Variants in TMEM123 observed in about 807,000 individuals in gnomAD.
The protein encoded by TMEM123 is porimin.
A neutral mutation model predicts 19.7 loss-of-function variants in TMEM123; 16 were observed. That is an observed-to-expected ratio of 0.81 (90% CI 0.55 to 1.23). TMEM123 has a LOEUF of 1.23. Among genes scored for constraint, TMEM123 ranks in the 50% most tolerant of loss-of-function variants. The pLI, the probability that TMEM123 is intolerant of heterozygous loss-of-function variation, is 0.00. For missense variants in TMEM123, 313 were observed against 257.8 expected (o/e 1.21, Z -1.47); for synonymous variants, 118 against 99.4 (o/e 1.19, Z -1.12).
chr11:102,421,206 A>G (rs1226892408), intron 2 of TMEM123, among the ~76,000 whole-genome samples: 2 of 152,236 alleles, frequency 1.3e-5, no homozygotes, highest in African/African-American at 2.4e-5. Flanking sequence ...TGCATACAAG[A>G]CATACTATCA....
intron 2 of TMEM123, among the ~76,000 whole-genome samples, chr11:102,434,118 T>C (rs541743890): frequency 6.6e-6 from 1 of 151,952 alleles, no homozygotes; most frequent in East Asian, 1.9e-4. Flanking sequence ...AGAAGTGGGA[T>C]TGCTGGATCA....
chr11:102,432,384 C>G (rs1282449966), intron 2 of TMEM123, among the ~76,000 whole-genome samples: 1 of 152,156 alleles, frequency 6.6e-6, no homozygotes, highest in African/African-American at 2.4e-5. Flanking sequence ...CTGTTGAGAA[C>G]TGGAGTAAAG....
At position 102,426,614 on chromosome 11, in the gene TMEM123, A is replaced by G. The variant is rs377534035; in HGVS notation, c.157+22198T>C. 3.6e-4 allele frequency among the ~76,000 whole-genome samples: 55 copies of G among 152,272 alleles called. No individual in the cohort carries two copies. The South Asian group carries it at 0.011, about 31-fold the overall frequency. ...AAAAGCTTAAAACCCTTGAGTGGAA[A>G]GTTATCTAAGAGCAATTTCTTTACA... On this transcript the variant is annotated intron_variant, in intron 2 of 4. Transcript: ENST00000398136.
chr11:102,427,834 T>C (rs543410281), intron 2 of TMEM123, among the ~76,000 whole-genome samples: 39 of 150,438 alleles, frequency 2.6e-4, no homozygotes, highest in African/African-American at 6.2e-4. Context: ...CAAGACTCTG[T>C]TTCAATTAAA....
chr11:102,433,810 G>A (rs1317508009), intron 2 of TMEM123, among the ~76,000 whole-genome samples: 2 of 151,720 alleles, frequency 1.3e-5, no homozygotes, highest in African/African-American at 4.8e-5. Context: ...AGTTTTTCAT[G>A]AGATCTGATG....
At chr11:102,411,110 G>A (rs1380729235) in intron 2 of TMEM123, among the ~76,000 whole-genome samples, 2 of 152,056 alleles carry the variant, frequency 1.3e-5, no homozygotes, top group Non-Finnish European at 2.9e-5. Flanking sequence ...CTAATCAACT[G>A]CCATAGCATA....
At chr11:102,431,475 T>C (rs1043512960) in intron 2 of TMEM123, among the ~76,000 whole-genome samples, 10 of 152,208 alleles carry the variant, frequency 6.6e-5, no homozygotes, top group Admixed American at 1.3e-4. Flanking sequence ...TGCTGTGCAA[T>C]AGAACTAGAA....
Position 102,452,618 on chromosome 11 carries a change from T to A in TMEM123, c.6A>T (p.Gly2=). The part of the protein sequence containing the change: M[G]LGARGAWAAL... ...CGGCCCAAGCACCTCGCGCGCCGAG[T>A]CCCATTGTTCCGAGGGCAGGATGCG... is the stretch of plus-strand genomic sequence containing the variant. The change falls in exon 1 of 5, where the codon GGA becomes GGT. Residue 2 remains glycine (G), a synonymous_variant. Transcript: ENST00000398136. The A allele has an allele frequency of 6.5e-7, 1 of 1,545,438 alleles. No individual in the cohort carries two copies. Among genetic ancestry groups the A allele is most frequent in the South Asian group, 1.2e-5 (1 of 84,738 alleles).
At chr11:102,403,532 C>T (rs1172210568) in intron 2 of TMEM123, among the ~76,000 whole-genome samples, 2 of 152,080 alleles carry the variant, frequency 1.3e-5, no homozygotes, top group Non-Finnish European at 2.9e-5. Context: ...ATGTCTTTGT[C>T]CATTTAATAT....
intron 2 of TMEM123, among the ~76,000 whole-genome samples, chr11:102,413,937 A>G (rs1260873376): frequency 6.6e-6 from 1 of 152,228 alleles, no homozygotes; most frequent in East Asian, 1.9e-4. Context: ...GACAAAGTTG[A>G]AGCCCAATCC....
Position 102,398,732 on chromosome 11 carries a change from A to G in TMEM123, c.*135T>C. On this transcript the variant is annotated 3_prime_UTR_variant, in exon 5 of 5. Transcript: ENST00000398136. ...TTGAAGAATCTTTACATATTTACGTAATACACTGTACATTATATGCATGGC... is the reference window on the plus strand; with the variant it reads ...TTGAAGAATCTTTACATATTTACGTGATACACTGTACATTATATGCATGGC... The G allele has an allele frequency of 1.2e-6, 1 of 844,928 alleles. No individual in the cohort carries two copies. The highest frequency in any genetic ancestry group is 1.9e-6 in the Non-Finnish European group (1 of 537,518). 52.3% of individuals were successfully genotyped at this position (844,928 alleles called of 1,614,324 possible). A position where few individuals can be genotyped will look rare whatever the true frequency, so the allele number is the denominator to read the frequency against.
intron 1 of TMEM123, chr11:102,452,257 T>G (rs1854849673): frequency 1.1e-5 from 4 of 363,104 alleles, no homozygotes; most frequent in Non-Finnish European, 2.0e-5. Flanking sequence ...CAACAGGTTA[T>G]GCGCACCCGT....
chr11:102,419,534 T>C (rs780462170), intron 2 of TMEM123, among the ~76,000 whole-genome samples: 24 of 152,208 alleles, frequency 1.6e-4, no homozygotes, highest in Non-Finnish European at 3.4e-4. Flanking sequence ...CCAGGGCAAC[T>C]GCGTGTCCAG....
chr11:102,435,302 T>C (rs1857751632), intron 2 of TMEM123, among the ~76,000 whole-genome samples: 1 of 152,022 alleles, frequency 6.6e-6, no homozygotes, highest in Admixed American at 6.6e-5. Context: ...TGGATAAACA[T>C]TTCTTCACAG....
At position 102,398,339 on chromosome 11, in the gene TMEM123, A is replaced by G. The variant is rs1289632718; in HGVS notation, c.*528T>C. On this transcript the variant is annotated 3_prime_UTR_variant, in exon 5 of 5. Transcript: ENST00000398136. The stretch of plus-strand genomic sequence containing the variant: ...GTTTCTAGACCAACTACTACAGTTT[A>G]AAGCACAAAAAATGTTGATGTTTTT... 5.4e-6 allele frequency: 2 copies of G among 371,826 alleles called. No homozygotes were observed. The highest frequency in any genetic ancestry group is 9.1e-5 in the Admixed American group (2 of 22,000). The allele number at this position is 371,826 out of a possible 1,614,324, so 23.0% of individuals were successfully genotyped here.
chr11:102,435,473 T>C (rs186579301), intron 2 of TMEM123, among the ~76,000 whole-genome samples: 2 of 151,922 alleles, frequency 1.3e-5, no homozygotes, highest in Non-Finnish European at 2.9e-5. Context: ...ATAAAACCCT[T>C]ATACACTGCT....
At chr11:102,400,089 G>A (rs670314) in intron 4 of TMEM123, among the ~76,000 whole-genome samples, 10,926 of 152,260 alleles carry the variant, frequency 0.072, 471 homozygotes, top group African/African-American at 0.085. Context: ...TCAGTAACCT[G>A]AAAATCTGGG....
At chr11:102,447,426 C>A (rs972435800) in intron 2 of TMEM123, among the ~76,000 whole-genome samples, 2 of 152,108 alleles carry the variant, frequency 1.3e-5, no homozygotes, top group Admixed American at 1.3e-4. Flanking sequence ...TTCAATTTCC[C>A]CATGTGTAAA....
chr11:102,434,033 A>G (rs907590772), intron 2 of TMEM123, among the ~76,000 whole-genome samples: 1 of 151,970 alleles, frequency 6.6e-6, no homozygotes, highest in Non-Finnish European at 1.5e-5. Context: ...GGCTATTGTG[A>G]ATAGTGCTGT....
Sources: gnomAD v4.1 joint callset for allele counts (sites outside exome capture counted in the v4.1 genomes callset) on GRCh38, gnomAD v4.1.1 for gene constraint, MANE v1.5 for transcripts, NCBI Gene and HGNC (gene_info 2026-07-23, HGNC 2026-07-21) for gene names.